The following TAF1B variants were observed in gnomAD, a reference collection of about 807,000 sequenced individuals.
TAF1B encodes the protein TATA box-binding protein-associated factor RNA polymerase I subunit B.
A neutral mutation model predicts 83.9 loss-of-function variants in TAF1B; 61 were observed. The ratio of observed to expected loss-of-function variants is 0.73; its 90% CI spans 0.59 to 0.90. TAF1B has a LOEUF of 0.90. Ranked by LOEUF, TAF1B falls within the 40% of genes least tolerant of loss-of-function variation. TAF1B has a pLI of 0.00. For synonymous variants in TAF1B, 221 were observed against 224.6 expected (o/e 0.98, Z 0.14); for missense variants, 625 against 677.0 (o/e 0.92, Z 0.85).
intron 14 of TAF1B, among the ~76,000 whole-genome samples, chr2:9,933,028 A>G (rs1666265095): frequency 6.6e-6 from 1 of 152,210 alleles, no homozygotes; most frequent in South Asian, 2.1e-4. Context: ...GACCATTGGA[A>G]AAGCGCAGTA....
chr2:9,855,037 C>T (rs1260787010), intron 5 of TAF1B, among the ~76,000 whole-genome samples: 1 of 152,112 alleles, frequency 6.6e-6, no homozygotes, highest in Non-Finnish European at 1.5e-5. Flanking sequence ...TCTTGTTGCC[C>T]AGGCTGGAGT....
At chr2:9,860,375 AC>A (rs1663713208) in intron 5 of TAF1B, among the ~76,000 whole-genome samples, 3 of 152,236 alleles carry the variant, frequency 2.0e-5, no homozygotes, top group African/African-American at 7.2e-5. Context: ...TTTGTAACAT[AC>A]GCCATTATTT....
chr2:9,902,255 A>G (rs1489668718), intron 8 of TAF1B, among the ~76,000 whole-genome samples: 1 of 145,046 alleles, frequency 6.9e-6, no homozygotes, highest in Non-Finnish European at 1.5e-5. Flanking sequence ...CTTTTTATTG[A>G]GGTAAAATAG....
intron 8 of TAF1B, among the ~76,000 whole-genome samples, chr2:9,896,896 A>G (rs1665035927): frequency 6.6e-6 from 1 of 152,226 alleles, no homozygotes; most frequent in Non-Finnish European, 1.5e-5. Context: ...ATAGGTGTGC[A>G]AATTAAATTT....
chr2:9,872,043 T>A (rs1165977256), intron 6 of TAF1B, among the ~76,000 whole-genome samples: 1 of 152,096 alleles, frequency 6.6e-6, no homozygotes, highest in Non-Finnish European at 1.5e-5. Context: ...AATCTGGATG[T>A]CTGGCTGGGT....
In TAF1B at chr2:9,851,627, C is replaced by T. The variant is rs2125135540; in HGVS notation, c.292C>T (p.Pro98Ser). Residue 98 changes from proline to serine, a missense_variant, in exon 4 of 15, where the codon CCA becomes TCA. Physicochemically the swap from Pro to Ser is moderately conservative, Grantham distance 74. Coordinates refer to ENST00000263663, the MANE Select transcript of TAF1B (RefSeq NM_005680.3). ...AGCCTTAAAGAACCTTGGAGTAGGCCCAGAGTTAAAGGTAAGTACATTTGT... is the reference window on the plus strand; with the variant it reads ...AGCCTTAAAGAACCTTGGAGTAGGCTCAGAGTTAAAGGTAAGTACATTTGT... ...AEALKNLGVGPELKNDVLHNF... is the reference protein window; with the variant it reads ...AEALKNLGVGSELKNDVLHNF... The T allele has an allele frequency of 6.2e-7, 1 of 1,609,668 alleles. No homozygotes were observed. Among genetic ancestry groups the T allele is most frequent in the East Asian group, 2.2e-5 (1 of 44,714 alleles).
chr2:9,871,898 T>A (rs12613568), intron 6 of TAF1B, among the ~76,000 whole-genome samples: 6,690 of 151,998 alleles, frequency 0.044, 189 homozygotes, highest in Non-Finnish European at 0.067. Context: ...CACTTAAGCC[T>A]CCTGTTTTCA....
intron 8 of TAF1B, among the ~76,000 whole-genome samples, chr2:9,900,645 G>C (rs1190408132): frequency 1.3e-5 from 2 of 152,198 alleles, no homozygotes; most frequent in African/African-American, 4.8e-5. Context: ...GTCTGGGGTA[G>C]AGTTGTTAAA....
rs1406635795 is a variant in TAF1B at position 9,914,821 on chromosome 2, G to T, written c.1271+1572G>T. 6.6e-6 allele frequency among the ~76,000 whole-genome samples: 1 copy of T among 152,266 alleles called. No individual in the cohort carries two copies. Among genetic ancestry groups the T allele is most frequent in the African/African-American group, 2.4e-5 (1 of 41,548 alleles). On this transcript the variant is annotated intron_variant, in intron 12 of 14. Transcript: ENST00000263663. The surrounding 1 kb of genome is among the most constrained non-coding windows in gnomAD (Gnocchi z 4.3). ...ACACACACGTGCAGTGTGAGTCACT[G>T]CTGAGTAATATGCGAAGCACTACCA...
intron 8 of TAF1B, among the ~76,000 whole-genome samples, chr2:9,896,465 C>CA: frequency 6.6e-6 from 1 of 152,184 alleles, no homozygotes; most frequent in South Asian, 2.1e-4. Flanking sequence ...GCTGTACCTC[C>CA]ACCAGAAATG....
intron 8 of TAF1B, among the ~76,000 whole-genome samples, chr2:9,888,459 T>C (rs561258119): frequency 3.9e-5 from 6 of 152,312 alleles, no homozygotes; most frequent in Middle Eastern, 3.4e-3. Context: ...TAACATTTCT[T>C]GTAGTACAGT....
intron 8 of TAF1B, among the ~76,000 whole-genome samples, chr2:9,884,779 G>C (rs1664621890): frequency 6.6e-6 from 1 of 152,100 alleles, no homozygotes; most frequent in African/African-American, 2.4e-5. Flanking sequence ...CTTCTGAGTT[G>C]GGGTGGGAGC....
rs558432243 is a variant in TAF1B, at chr2:9,907,148, G to A, written c.955+2142G>A. ...AGCCATCTTCCTGCCTTGACTTCCCGAAGTGCTGGGATTACAGGCATAAGC... is the reference window on the plus strand; with the variant it reads ...AGCCATCTTCCTGCCTTGACTTCCCAAAGTGCTGGGATTACAGGCATAAGC... On this transcript the variant is annotated intron_variant, in intron 9 of 14. Transcript: ENST00000263663. Among the ~76,000 whole-genome samples, 31 of 150,448 alleles carry A rather than the reference G, an allele frequency of 2.1e-4. 1 individual carries two copies. The South Asian group carries it at 6.3e-3, about 31-fold the overall frequency.
chr2:9,887,948 G>T (rs569908061), intron 8 of TAF1B, among the ~76,000 whole-genome samples: 8 of 152,066 alleles, frequency 5.3e-5, no homozygotes, highest in African/African-American at 1.9e-4. Context: ...AAACTCCTGG[G>T]CTTAAGCAAT....
At chr2:9,851,682 T>C (rs760010361) in intron 4 of TAF1B, 44 bp downstream of exon 4, 1 of 1,504,618 alleles carries the variant, frequency 6.6e-7, no homozygotes, top group South Asian at 1.2e-5. Flanking sequence ...ATATTTTTGT[T>C]TAAAGAACAG....
chr2:9,869,801 G>A (rs890919604), intron 6 of TAF1B, among the ~76,000 whole-genome samples: 11 of 151,978 alleles, frequency 7.2e-5, no homozygotes, highest in Admixed American at 1.3e-4. Context: ...TGAACCGGGA[G>A]GCAGAGGTTT....
At chr2:9,879,890 T>G (rs1664442772) in intron 7 of TAF1B, among the ~76,000 whole-genome samples, 1 of 152,220 alleles carries the variant, frequency 6.6e-6, no homozygotes, top group African/African-American at 2.4e-5. Context: ...CATATCACTC[T>G]GGAAGGAAAC....
intron 8 of TAF1B, among the ~76,000 whole-genome samples, chr2:9,889,588 GATTGGTTA>G (rs1664801217): frequency 6.6e-6 from 1 of 151,888 alleles, no homozygotes; most frequent in African/African-American, 2.4e-5. Flanking sequence ...CTGTTTTATT[GATTGGTTA>G]TGTATCATAT....
chr2:9,928,691 A>G (rs1475951639), intron 14 of TAF1B, among the ~76,000 whole-genome samples: 7 of 152,138 alleles, frequency 4.6e-5, no homozygotes, highest in Non-Finnish European at 1.0e-4. Flanking sequence ...AATGCTTGTG[A>G]TTTTTGCACA....
Sources: allele counts gnomAD v4.1 joint callset (sites outside exome capture counted in the v4.1 genomes callset), GRCh38; gene constraint gnomAD v4.1.1; non-coding constraint Gnocchi (gnomAD v3.1); transcripts MANE v1.5; gene names NCBI Gene and HGNC (gene_info 2026-07-23, HGNC 2026-07-21).